Variants in LCMT1 observed in about 807,000 individuals in gnomAD.
The protein encoded by LCMT1 is [Phosphatase 2A protein]-leucine-carboxy methyltransferase 1.
Under a neutral mutation model 47.7 loss-of-function variants are expected in LCMT1, and 32 were observed. The ratio of observed to expected loss-of-function variants is 0.67; its 90% CI spans 0.51 to 0.90. The LOEUF (loss-of-function observed/expected upper bound fraction) is 0.90, where lower values mean the gene tolerates loss of function less well. Ranked by LOEUF, LCMT1 falls within the 40% of genes least tolerant of loss-of-function variation. The pLI is 0.00. For synonymous variants in LCMT1, 152 were observed against 149.7 expected, an observed-to-expected ratio of 1.02 and a Z score of -0.11; for missense variants, 375 against 415.2, an observed-to-expected ratio of 0.90 and a Z score of 0.84.
chr16:25,143,371 G>C (rs779187631), intron 4 of LCMT1: 3 of 152,206 alleles, frequency 2.0e-5, no homozygotes, highest in Non-Finnish European at 2.9e-5. Context: ...AACTTTCCCT[G>C]ATGATTGGGG....
intron 1 of LCMT1, among the ~76,000 whole-genome samples, chr16:25,126,909 T>C (rs1463095624): frequency 6.6e-6 from 1 of 152,250 alleles, no homozygotes; most frequent in Non-Finnish European, 1.5e-5. Context: ...ATGAGTATTC[T>C]CATCTGTGGG....
Position 25,132,374 on chromosome 16 carries a change from T to G in LCMT1, c.206-28T>G, listed in dbSNP as rs1169792616. 1.9e-6 allele frequency: 3 copies of G among 1,612,200 alleles called. No individual in the cohort carries two copies. The African/African-American group carries it at 4.0e-5, about 22-fold the overall frequency. On this transcript the variant is annotated intron_variant, in intron 2 of 10. Coordinates refer to ENST00000399069, the MANE Select transcript of LCMT1 (RefSeq NM_016309.3). ...ATTTCTGTCATCACTGGGTGATAGCTTGTTTCTGTGCCTCCCCTCCCCCCT... is the reference window on the plus strand; with the variant it reads ...ATTTCTGTCATCACTGGGTGATAGCGTGTTTCTGTGCCTCCCCTCCCCCCT...
chr16:25,144,017 G>T (rs1027534334), intron 4 of LCMT1: 1 of 152,228 alleles, frequency 6.6e-6, no homozygotes, highest in Admixed American at 6.5e-5. Flanking sequence ...CACATTGCTG[G>T]ATTCCTATAA....
intron 5 of LCMT1, among the ~76,000 whole-genome samples, chr16:25,154,709 C>T (rs1961198540): frequency 2.0e-5 from 3 of 151,692 alleles, no homozygotes; most frequent in South Asian, 2.1e-4. Context: ...AGGATGGTCT[C>T]GATCTCCTGA....
At chr16:25,164,814 C>A in intron 7 of LCMT1, 96 bp downstream of exon 7, 1 of 1,518,996 alleles carries the variant, frequency 6.6e-7, no homozygotes, top group Non-Finnish European at 9.1e-7. Context: ...TATCCTTTTC[C>A]TTCTGCCTCC....
intron 4 of LCMT1, among the ~76,000 whole-genome samples, chr16:25,151,102 T>A (rs1961067699): frequency 6.6e-6 from 1 of 152,198 alleles, no homozygotes; most frequent in Non-Finnish European, 1.5e-5. Flanking sequence ...CCCACATAAA[T>A]GTTACTGAAC....
intron 9 of LCMT1, among the ~76,000 whole-genome samples, chr16:25,171,763 T>C (rs887965034): frequency 6.6e-6 from 1 of 152,136 alleles, no homozygotes; most frequent in South Asian, 2.1e-4. Context: ...TCAAGCATTC[T>C]AAAGTGCATG....
chr16:25,177,531 G>T (rs1961985106), intron 10 of LCMT1, among the ~76,000 whole-genome samples: 1 of 152,142 alleles, frequency 6.6e-6, no homozygotes, highest in South Asian at 2.1e-4. Flanking sequence ...TGTCACTATG[G>T]CTGAATTAAT....
At chr16:25,168,168 C>T (rs1961644552) in intron 7 of LCMT1, among the ~76,000 whole-genome samples, 1 of 152,124 alleles carries the variant, frequency 6.6e-6, no homozygotes, top group African/African-American at 2.4e-5. Flanking sequence ...CCCGCCTCAG[C>T]CTCCTGAGTA....
chr16:25,164,501 G>T (rs749673713), intron 6 of LCMT1, 97 bp from the exon 7 acceptor site: 2 of 1,487,538 alleles, frequency 1.3e-6, no homozygotes, highest in Non-Finnish European at 1.8e-6. Flanking sequence ...GTTCCCTGGG[G>T]CATGGACCGC....
intron 1 of LCMT1, among the ~76,000 whole-genome samples, chr16:25,127,565 A>T (rs1960225784): frequency 6.6e-6 from 1 of 152,206 alleles, no homozygotes; most frequent in Non-Finnish European, 1.5e-5. Flanking sequence ...TTACTTCTAG[A>T]AGCTGAGAGA....
chr16:25,175,090 C>G lies in LCMT1; in HGVS notation c.982+56C>G. 4.5e-6 allele frequency: 4 copies of G among 894,768 alleles called. No individual in the cohort carries two copies. In the East Asian group the frequency reaches 7.7e-5, roughly 17 times the overall value. The allele number at this position is 894,768 out of a possible 1,614,324, so 55.4% of individuals were successfully genotyped here. ...TGGAAATAGTGAACTTTTCTTTTTC[C>G]TATTCTTTCCCTTTCTCTTTCTGTT... is the stretch of plus-strand genomic sequence containing the variant. On this transcript the variant is annotated intron_variant, in intron 10 of 10. Coordinates refer to ENST00000399069, the MANE Select transcript of LCMT1 (RefSeq NM_016309.3).
At chr16:25,125,780 C>T (rs541412176) in intron 1 of LCMT1, among the ~76,000 whole-genome samples, 45 of 151,384 alleles carry the variant, frequency 3.0e-4, no homozygotes, top group African/African-American at 8.2e-4. Context: ...TGCAGTGAGC[C>T]GAGATCACGC....
intron 4 of LCMT1, chr16:25,141,646 T>C (rs1476926138): frequency 2.0e-5 from 3 of 152,288 alleles, no homozygotes; most frequent in Admixed American, 2.0e-4. Context: ...CATGAACCAT[T>C]GTGCCTGGTC....
intron 4 of LCMT1, 137 bp downstream of exon 4, chr16:25,140,384 T>G (rs76351078): frequency 1.5e-6 from 1 of 655,872 alleles, no homozygotes; most frequent in Non-Finnish European, 2.7e-6. Context: ...ACTTTTTTTT[T>G]GCCCTGGCAC....
chr16:25,147,245 C>T (rs1960888589), intron 4 of LCMT1: 1 of 152,240 alleles, frequency 6.6e-6, no homozygotes, highest in Non-Finnish European at 1.5e-5. Context: ...CTTGTCACTC[C>T]CCCGTTTCCA....
intron 8 of LCMT1, among the ~76,000 whole-genome samples, chr16:25,169,930 A>AT (rs1281300335): frequency 1.3e-5 from 2 of 151,932 alleles, no homozygotes; most frequent in East Asian, 1.9e-4. Flanking sequence ...AAGTAGGTTC[A>AT]TTTTTTTGGG....
At chr16:25,177,958 C>T in intron 10 of LCMT1, 43 bp from the exon 11 acceptor site, 2 of 1,603,342 alleles carry the variant, frequency 1.2e-6, no homozygotes, top group Non-Finnish European at 1.7e-6. Context: ...CTGCTCCTGG[C>T]CACCAGAGTC....
intron 7 of LCMT1, among the ~76,000 whole-genome samples, chr16:25,166,974 AC>A (rs1019317322): frequency 1.3e-5 from 2 of 151,972 alleles, no homozygotes; most frequent in African/African-American, 4.8e-5. Flanking sequence ...CACTGTCCAT[AC>A]TCCACATGTT....
Sources: gnomAD v4.1 joint callset for allele counts (sites outside exome capture counted in the v4.1 genomes callset) on GRCh38, gnomAD v4.1.1 for gene constraint, MANE v1.5 for transcripts, NCBI Gene and HGNC (gene_info 2026-07-23, HGNC 2026-07-21) for gene names.